Variants in FUT8 observed in about 807,000 individuals in gnomAD.
FUT8 encodes fucosyltransferase 8, also known as alpha-(1,6)-fucosyltransferase.
Under a neutral mutation model 71.3 loss-of-function variants are expected in FUT8, and 29 were observed. The ratio of observed to expected loss-of-function variants is 0.41; its 90% CI spans 0.30 to 0.55. The LOEUF is 0.55. Among genes scored for constraint, FUT8 ranks in the 20% least tolerant of loss-of-function variants. The pLI is 0.34. For synonymous variants in FUT8, 254 were observed against 239.3 expected (o/e 1.06, Z -0.57); for missense variants, 544 against 702.1 (o/e 0.77, Z 2.55).
chr14:65,466,106 T>G (rs1874924424), intron 2 of FUT8, among the ~76,000 whole-genome samples: 2 of 152,312 alleles, frequency 1.3e-5, no homozygotes, highest in South Asian at 4.1e-4. Flanking sequence ...CAGGTTTCTT[T>G]TGATTAGGTT....
intron 7 of FUT8, among the ~76,000 whole-genome samples, chr14:65,701,553 TTAAGATAACTA>T (rs1400207032): frequency 6.6e-6 from 1 of 152,194 alleles, no homozygotes; most frequent in Non-Finnish European, 1.5e-5. Context: ...ACCATGAGCT[TTAAGATAACTA>T]AAATGCACCC....
chr14:65,380,300 AG>A, the FUT8 span, among the ~76,000 whole-genome samples: 1 of 152,110 alleles, frequency 6.6e-6, no homozygotes, highest in African/African-American at 2.4e-5. Flanking sequence ...GGGAAAGACA[AG>A]CCCCCATGAT....
intron 2 of FUT8, among the ~76,000 whole-genome samples, chr14:65,533,943 A>C (rs1884118423): frequency 6.6e-6 from 1 of 152,150 alleles, no homozygotes; most frequent in African/African-American, 2.4e-5. Context: ...GATTTGCATA[A>C]GTTGAACCAA....
intron 2 of FUT8, among the ~76,000 whole-genome samples, chr14:65,522,230 A>G (rs1399157130): frequency 6.6e-6 from 1 of 152,034 alleles, no homozygotes; most frequent in Non-Finnish European, 1.5e-5. Flanking sequence ...CCCTCTCCCG[A>G]CTTTTCCTTT....
chr14:65,657,914 C>G (rs867759681), intron 6 of FUT8, among the ~76,000 whole-genome samples: 1 of 151,474 alleles, frequency 6.6e-6, no homozygotes, highest in African/African-American at 2.4e-5. Context: ...CCTTATGTAC[C>G]CCATAAATAT....
chr14:65,595,602 C>CTTT (rs34129010), intron 3 of FUT8, among the ~76,000 whole-genome samples: 8,944 of 81,904 alleles, frequency 0.11, 878 homozygotes, highest in South Asian at 0.2. Flanking sequence ...ACACCATTCT[C>CTTT]TTTTTTTTTT....
chr14:65,421,172 A>G lies in FUT8; in HGVS notation c.-326+7958A>G, dbSNP rs933032401. Among the ~76,000 whole-genome samples the G allele has an allele frequency of 1.6e-4, 23 of 144,980 alleles. No individual in the cohort carries two copies. The Admixed American group carries it at 1.7e-3, about 10-fold the overall frequency. On this transcript the variant is annotated intron_variant, in intron 1 of 10. Transcript: ENST00000673929. Reference sequence around the variant, plus strand: ...TGTGTCACTGCCCTCCAGCCTGGCGACAGAGCGGGACTCCATCTCAGGAAA... The same window carrying G: ...TGTGTCACTGCCCTCCAGCCTGGCGGCAGAGCGGGACTCCATCTCAGGAAA...
chr14:65,637,327 G>A (rs533864383), intron 6 of FUT8, among the ~76,000 whole-genome samples: 4 of 152,236 alleles, frequency 2.6e-5, no homozygotes, highest in East Asian at 1.9e-4. Context: ...AAACAGGCAC[G>A]ATGAGTGAGA....
the FUT8 span, among the ~76,000 whole-genome samples, chr14:65,382,992 C>T: frequency 6.6e-6 from 1 of 152,088 alleles, no homozygotes; most frequent in Admixed American, 6.6e-5. Flanking sequence ...TGGAAGTCAT[C>T]TTTAAAAATC....
At chr14:65,492,800 A>G (rs976593765) in intron 2 of FUT8, among the ~76,000 whole-genome samples, 3 of 152,150 alleles carry the variant, frequency 2.0e-5, no homozygotes, top group African/African-American at 7.2e-5. Flanking sequence ...CAGCTTACCT[A>G]TATTTTGGCT....
chr14:65,711,415 A>G (rs1381369293), intron 7 of FUT8, among the ~76,000 whole-genome samples: 1 of 152,178 alleles, frequency 6.6e-6, no homozygotes, highest in African/African-American at 2.4e-5. Flanking sequence ...AGGCAGCCCT[A>G]CTAATTTTGC....
chr14:65,611,301 A>AC (rs145798842), intron 3 of FUT8, among the ~76,000 whole-genome samples: 1 of 38,592 alleles, frequency 2.6e-5, no homozygotes, highest in African/African-American at 1.4e-4. Context: ...ACACACACAC[A>AC]CCCCCCAAGT....
At chr14:65,518,996 A>G (rs559546913) in intron 2 of FUT8, among the ~76,000 whole-genome samples, 11 of 152,346 alleles carry the variant, frequency 7.2e-5, no homozygotes, top group African/African-American at 2.6e-4. Flanking sequence ...AATGAGGTCT[A>G]CTATGTATCA....
In FUT8 at chr14:65,721,957, C is replaced by T. The variant is rs374400133; in HGVS notation, c.1018C>T (p.Pro340Ser). Residue 340 changes from proline to serine, a missense_variant, in exon 8 of 11, where the codon CCT (proline) becomes TCT (serine). Transcript: ENST00000673929. The part of the protein sequence containing the change: ...QFVKYLIRPQ[P>S]WLEKEIEEAT... ...TGTCAAATACTTGATCCGCCCACAGCCTTGGCTAGAAAAAGAAATAGAAGA... is the reference window on the plus strand; with the variant it reads ...TGTCAAATACTTGATCCGCCCACAGTCTTGGCTAGAAAAAGAAATAGAAGA... 3 of 1,613,984 alleles carry T rather than the reference C, an allele frequency of 1.9e-6. No individual in the cohort carries two copies. The highest frequency in any genetic ancestry group is 1.7e-6 in the Non-Finnish European group (2 of 1,180,016).
At chr14:65,492,365 C>G (rs2066494399) in intron 2 of FUT8, among the ~76,000 whole-genome samples, 1 of 152,210 alleles carries the variant, frequency 6.6e-6, no homozygotes, top group African/African-American at 2.4e-5. Flanking sequence ...TGTAGCCACA[C>G]TTGTGCCAGT....
At chr14:65,704,151 G>T (rs1259450953) in intron 7 of FUT8, among the ~76,000 whole-genome samples, 2 of 152,048 alleles carry the variant, frequency 1.3e-5, no homozygotes, top group East Asian at 3.9e-4. Context: ...CATCTCATTC[G>T]TAACTCCTCA....
At chr14:65,497,713 TA>T (rs1473970490) in intron 2 of FUT8, among the ~76,000 whole-genome samples, 2 of 152,010 alleles carry the variant, frequency 1.3e-5, no homozygotes, top group Admixed American at 1.3e-4. Flanking sequence ...TTAAAATTTA[TA>T]AAATACAATT....
At chr14:65,421,046 A>C (rs1360812645) in intron 1 of FUT8, among the ~76,000 whole-genome samples, 1 of 152,060 alleles carries the variant, frequency 6.6e-6, no homozygotes, top group African/African-American at 2.4e-5. Context: ...TACAAAAATT[A>C]GCTGGGCGTG....
intron 7 of FUT8, among the ~76,000 whole-genome samples, chr14:65,699,608 A>C (rs1051369114): frequency 6.6e-6 from 1 of 152,146 alleles, no homozygotes; most frequent in Non-Finnish European, 1.5e-5. Context: ...TAGCAGACCC[A>C]CCCAGACCCC....
Sources: gnomAD v4.1 joint callset for allele counts (sites outside exome capture counted in the v4.1 genomes callset) on GRCh38, gnomAD v4.1.1 for gene constraint, MANE v1.5 for transcripts, NCBI Gene and HGNC (gene_info 2026-07-23, HGNC 2026-07-21) for gene names.